Variants in POR observed in about 807,000 individuals in gnomAD.
POR encodes cytochrome p450 oxidoreductase.
POR carries 56 observed loss-of-function variants against 84.0 expected under a neutral mutation model. The observed-to-expected ratio is 0.67, with a 90% CI of 0.54 to 0.83. POR has a LOEUF of 0.83. Ranked by LOEUF, POR falls within the 40% of genes least tolerant of loss-of-function variation. The pLI, the probability that POR is intolerant of heterozygous loss-of-function variation, is 0.00. For synonymous variants in POR, 414 were observed against 400.5 expected (o/e 1.03, Z -0.40); for missense variants, 938 against 944.3 (o/e 0.99, Z 0.09).
intron 1 of POR, among the ~76,000 whole-genome samples, chr7:75,932,265 C>T (rs1300112175): frequency 6.6e-6 from 1 of 151,712 alleles, no homozygotes; most frequent in Non-Finnish European, 1.5e-5. Context: ...ACTGCAACCT[C>T]CGCCTCCCAG....
intron 1 of POR, 112 bp from the exon 2 acceptor site, chr7:75,953,877 C>A: frequency 1.2e-6 from 1 of 817,804 alleles, no homozygotes; most frequent in Admixed American, 2.8e-5. Context: ...CGTGCAGTGA[C>A]CATTTCCTGC....
At chr7:75,923,239 AGCTTGGTGTCTTTT>A in intron 1 of POR, 1 of 1,130,812 alleles carries the variant, frequency 8.8e-7, no homozygotes, top group East Asian at 2.3e-5. Flanking sequence ...CACCTGGGAA[AGCTTGGTGTCTTTT>A]GCTTGGAAGA....
chr7:75,933,392 T>G (rs1443765943), intron 1 of POR, among the ~76,000 whole-genome samples: 10 of 96,146 alleles, frequency 1.0e-4, no homozygotes, highest in South Asian at 6.0e-4. Flanking sequence ...TTTTTTTTTT[T>G]TTTTTTTTTT....
chr7:75,936,086 C>CTTTTTT (rs869164954), intron 1 of POR, among the ~76,000 whole-genome samples: 16 of 99,774 alleles, frequency 1.6e-4, no homozygotes, highest in African/African-American at 2.5e-4. Context: ...TTCTTTCTTT[C>CTTTTTT]TTTTTTTTTT....
At chr7:75,966,771 C>T (rs1325176682) in intron 2 of POR, among the ~76,000 whole-genome samples, 1 of 152,142 alleles carries the variant, frequency 6.6e-6, no homozygotes, top group East Asian at 1.9e-4. Flanking sequence ...CAGTGCTTTT[C>T]CCGCCCTCCC....
intron 1 of POR, among the ~76,000 whole-genome samples, chr7:75,930,928 T>A (rs1164656843): frequency 6.6e-6 from 1 of 152,140 alleles, no homozygotes; most frequent in Non-Finnish European, 1.5e-5. Context: ...GCTCAAGTGA[T>A]CCTCTAACCT....
At chr7:75,932,307 A>C (rs536186536) in intron 1 of POR, among the ~76,000 whole-genome samples, 22 of 151,848 alleles carry the variant, frequency 1.4e-4, no homozygotes, top group African/African-American at 5.3e-4. Flanking sequence ...CAGCCCCCCG[A>C]GTAGCTAGAA....
chr7:75,933,303 C>G (rs1472626993), intron 1 of POR, among the ~76,000 whole-genome samples: 1 of 147,556 alleles, frequency 6.8e-6, no homozygotes, highest in Non-Finnish European at 1.5e-5. Flanking sequence ...CACTTAAAAT[C>G]TACTCTTAGC....
At position 75,986,700 on chromosome 7, in the gene POR, G is replaced by A. The variant is rs557751714; in HGVS notation, c.*219G>A. On this transcript the variant is annotated 3_prime_UTR_variant, in exon 16 of 16. Transcript: ENST00000461988. Reference sequence around the variant, plus strand: ...AGCCCAGGGCCTGCATGGGGGCACCGGGCTCCATGCCTCTGGAGGCCTCTG... The same window carrying A: ...AGCCCAGGGCCTGCATGGGGGCACCAGGCTCCATGCCTCTGGAGGCCTCTG... 1.4e-5 allele frequency: 9 copies of A among 621,988 alleles called. No individual in the cohort carries two copies. The highest frequency in any genetic ancestry group is 6.1e-5 in the South Asian group (3 of 49,456). 38.5% of individuals were successfully genotyped at this position (621,988 alleles called of 1,614,324 possible). A position where few individuals can be genotyped will look rare whatever the true frequency, so the allele number is the denominator to read the frequency against.
chr7:75,944,665 C>T (rs1787099665), intron 1 of POR, among the ~76,000 whole-genome samples: 1 of 152,114 alleles, frequency 6.6e-6, no homozygotes, highest in African/African-American at 2.4e-5. Context: ...TCAACAGACA[C>T]CAGCATCAGG....
chr7:75,928,556 A>C (rs139563989), intron 1 of POR, among the ~76,000 whole-genome samples: 1 of 152,290 alleles, frequency 6.6e-6, no homozygotes, highest in East Asian at 1.9e-4. Context: ...GACGGCCCGG[A>C]AGTTGAACAT....
rs782179115 is a variant in POR, at chr7:75,979,511, C to CG, written c.299dup (p.Leu101ProfsTer18). ...GGGGACTGCAGAGGAGTTTGCCAAC[C>CG]GCCTGTCCAAGGACGCCCACCGCTA... On this transcript the variant is annotated frameshift_variant, in exon 4 of 16. Coordinates refer to ENST00000461988, the MANE Select transcript of POR (RefSeq NM_000941.3). LOFTEE classifies it high-confidence loss of function. The CG allele has an allele frequency of 3.1e-6, 5 of 1,613,470 alleles. No homozygotes were observed. Among genetic ancestry groups the CG allele is most frequent in the Non-Finnish European group, 4.2e-6 (5 of 1,179,824 alleles).
chr7:75,918,031 G>T (rs950327617), intron 1 of POR, among the ~76,000 whole-genome samples: 5 of 152,160 alleles, frequency 3.3e-5, no homozygotes, highest in African/African-American at 1.2e-4. Flanking sequence ...AATTGACTGG[G>T]CATGGTGGCT....
At chr7:75,979,647 C>T (rs949115171) in intron 4 of POR, 68 bp downstream of exon 4, 286 of 1,577,796 alleles carry the variant, frequency 1.8e-4, no homozygotes, top group Middle Eastern at 3.4e-4. Flanking sequence ...GTCTGTAGGG[C>T]GCCCCTCAGC....
intron 2 of POR, among the ~76,000 whole-genome samples, chr7:75,956,822 T>A (rs1787707467): frequency 1.3e-5 from 2 of 151,422 alleles, no homozygotes; most frequent in Non-Finnish European, 2.9e-5. Context: ...GCCTCCCGGG[T>A]TCAGGCGATT....
chr7:75,969,876 C>T (rs782044759), intron 2 of POR, among the ~76,000 whole-genome samples: 29 of 152,200 alleles, frequency 1.9e-4, no homozygotes, highest in Non-Finnish European at 1.0e-4. Flanking sequence ...ACCCAGGCTT[C>T]CAGTTAAGCC....
chr7:75,981,439 CG>C, intron 6 of POR, 77 bp from the exon 7 acceptor site: 1 of 1,364,208 alleles, frequency 7.3e-7, no homozygotes, highest in Admixed American at 2.0e-5. Flanking sequence ...GGGGTGGGGT[CG>C]GGGCGTGCCT....
chr7:75,969,312 G>A (rs561287602), intron 2 of POR, among the ~76,000 whole-genome samples: 36 of 152,296 alleles, frequency 2.4e-4, no homozygotes, highest in African/African-American at 7.9e-4. Context: ...CGAGAGGGGC[G>A]GGGCCTGTGC....
intron 1 of POR, among the ~76,000 whole-genome samples, chr7:75,926,927 A>G (rs1296366831): frequency 6.6e-6 from 1 of 152,106 alleles, no homozygotes; most frequent in Non-Finnish European, 1.5e-5. Flanking sequence ...GGATTATTTC[A>G]TCTTGGGTAA....
Sources: gnomAD v4.1 joint callset for allele counts (sites outside exome capture counted in the v4.1 genomes callset) on GRCh38, gnomAD v4.1.1 for gene constraint, MANE v1.5 for transcripts, NCBI Gene and HGNC (gene_info 2026-07-23, HGNC 2026-07-21) for gene names.